Variants in SULF2 observed in about 807,000 individuals in gnomAD.
The protein encoded by SULF2 is extracellular sulfatase Sulf-2.
SULF2 carries 52 observed loss-of-function variants against 107.7 expected under a neutral mutation model. The observed-to-expected ratio is 0.48, with a 90% CI of 0.39 to 0.61. The LOEUF (loss-of-function observed/expected upper bound fraction) is 0.61. Ranked by LOEUF, SULF2 falls within the 20% of genes least tolerant of loss-of-function variation. The pLI is 0.00. For missense variants in SULF2, 993 were observed against 1,177.3 expected, an observed-to-expected ratio of 0.84 and a Z score of 2.29; for synonymous variants, 460 against 464.3, an observed-to-expected ratio of 0.99 and a Z score of 0.12.
At chr20:47,715,160 G>A (rs991283814) in intron 3 of SULF2, among the ~76,000 whole-genome samples, 4 of 150,706 alleles carry the variant, frequency 2.7e-5, no homozygotes, top group Admixed American at 2.0e-4. Context: ...TCAATGCCTG[G>A]GCTCAAGCGA....
At chr20:47,684,063 T>TGTG (rs2087916132) in intron 6 of SULF2, among the ~76,000 whole-genome samples, 1 of 152,164 alleles carries the variant, frequency 6.6e-6, no homozygotes, top group South Asian at 2.1e-4. Flanking sequence ...CTAACATGGA[T>TGTG]GTGGTGATGG....
rs140799053 is a variant in SULF2, at chr20:47,731,739, A to C, written c.415+4964T>G. Among the ~76,000 whole-genome samples the C allele has an allele frequency of 2.8e-4, 43 of 152,340 alleles. No individual in the cohort carries two copies. In the East Asian group the frequency reaches 5.8e-3, roughly 21 times the overall value. On this transcript the variant is annotated intron_variant, in intron 3 of 20. Coordinates refer to ENST00000688720, the MANE Select transcript of SULF2 (RefSeq NM_001387048.1). ...AGATGTCCATTTTCAGCTTTGCCAG[A>C]AATTGGCAAACTGTTCTTCAAAGTG... is the stretch of plus-strand genomic sequence containing the variant.
intron 7 of SULF2, among the ~76,000 whole-genome samples, chr20:47,679,417 TGCC>T (rs1368592035): frequency 1.3e-5 from 2 of 152,192 alleles, no homozygotes; most frequent in Non-Finnish European, 2.9e-5. Context: ...CTGCACCTGC[TGCC>T]AACCAGTGGG....
intron 3 of SULF2, among the ~76,000 whole-genome samples, chr20:47,728,088 G>C (rs1600587707): frequency 1.3e-5 from 2 of 152,160 alleles, no homozygotes; most frequent in East Asian, 3.9e-4. Flanking sequence ...AAGGCTACCT[G>C]CTGTGAGCAG....
At chr20:47,661,951 G>A (rs949786214) in intron 17 of SULF2, 55 bp from the exon 18 acceptor site, 21 of 1,408,292 alleles carry the variant, frequency 1.5e-5, no homozygotes, top group Non-Finnish European at 1.9e-5. Context: ...CTCTCGCCCT[G>A]CCCTTCTACC....
At chr20:47,683,366 C>T (rs1034278127) in intron 6 of SULF2, among the ~76,000 whole-genome samples, 197 bp from the exon 7 acceptor site, 4 of 152,224 alleles carry the variant, frequency 2.6e-5, no homozygotes, top group African/African-American at 9.6e-5. Flanking sequence ...CTCCCCTCCA[C>T]GGTTCTTCAT....
intron 2 of SULF2, among the ~76,000 whole-genome samples, chr20:47,750,154 G>A (rs1198462134): frequency 6.6e-6 from 1 of 152,146 alleles, no homozygotes; most frequent in African/African-American, 2.4e-5. Flanking sequence ...GCTAATTTTT[G>A]TATTTTTAGT....
chr20:47,750,720 G>A (rs952553689), intron 2 of SULF2, among the ~76,000 whole-genome samples: 21 of 152,152 alleles, frequency 1.4e-4, no homozygotes, highest in Non-Finnish European at 2.5e-4. Flanking sequence ...TGCCTTGCAC[G>A]GTCCATCCAA....
chr20:47,675,358 G>T (rs1447155186), intron 10 of SULF2, among the ~76,000 whole-genome samples: 1 of 152,290 alleles, frequency 6.6e-6, no homozygotes, highest in African/African-American at 2.4e-5. Flanking sequence ...CAAGCGGGGG[G>T]ACGCATTCAT....
At chr20:47,668,937 A>G (rs537708817) in intron 11 of SULF2, among the ~76,000 whole-genome samples, 10 of 152,082 alleles carry the variant, frequency 6.6e-5, no homozygotes, top group African/African-American at 1.9e-4. Flanking sequence ...TCCTCAGAAC[A>G]CTTGCTCTCT....
intron 10 of SULF2, among the ~76,000 whole-genome samples, chr20:47,673,333 AACTTGCTTACTACACCTC>A (rs1402461546): frequency 1.3e-5 from 2 of 152,164 alleles, no homozygotes; most frequent in African/African-American, 4.8e-5. Flanking sequence ...TTAATATATT[AACTTGCTTACTACACCTC>A]ACGCTACCCT....
At chr20:47,726,116 C>T (rs1007644408) in intron 3 of SULF2, among the ~76,000 whole-genome samples, 1 of 152,260 alleles carries the variant, frequency 6.6e-6, no homozygotes, top group Non-Finnish European at 1.5e-5. Context: ...ACCTAAAGTT[C>T]GACAGCCACC....
intron 17 of SULF2, among the ~76,000 whole-genome samples, chr20:47,662,839 T>C (rs935960768): frequency 5.9e-5 from 7 of 118,402 alleles, no homozygotes; most frequent in Non-Finnish European, 1.3e-4. Context: ...GAAGAAGCCA[T>C]ATATATTACA....
intron 3 of SULF2, among the ~76,000 whole-genome samples, chr20:47,720,852 A>G (rs991197778): frequency 6.6e-6 from 1 of 152,198 alleles, no homozygotes; most frequent in African/African-American, 2.4e-5. Flanking sequence ...GAACAATCCC[A>G]TTAACCTAGC....
chr20:47,684,014 A>T (rs778712032), intron 6 of SULF2, among the ~76,000 whole-genome samples: 1 of 152,108 alleles, frequency 6.6e-6, no homozygotes, highest in African/African-American at 2.4e-5. Context: ...TGGGCCATCT[A>T]AGGGCTGTGA....
chr20:47,731,192 T>TTTTTTTTTTTTTTTATTTTA, intron 3 of SULF2, among the ~76,000 whole-genome samples: 3 of 100,994 alleles, frequency 3.0e-5, no homozygotes, highest in African/African-American at 1.1e-4. Flanking sequence ...CTTCTCTTTT[T>TTTTTTTTTTTTTTTATTTTA]TTTTTTTTTT....
chr20:47,784,816 C>T (rs2090893708), intron 1 of SULF2, among the ~76,000 whole-genome samples: 1 of 152,218 alleles, frequency 6.6e-6, no homozygotes, highest in African/African-American at 2.4e-5. Flanking sequence ...CTCGTTCTGC[C>T]CTGGCCTGGG....
At chr20:47,766,190 A>C (rs2090524925) in intron 1 of SULF2, among the ~76,000 whole-genome samples, 1 of 151,768 alleles carries the variant, frequency 6.6e-6, no homozygotes, top group South Asian at 2.1e-4. Context: ...TAAACTTTAC[A>C]CTCCCCTGTG....
intron 3 of SULF2, among the ~76,000 whole-genome samples, chr20:47,727,931 C>T (rs1045181906): frequency 2.7e-4 from 41 of 152,212 alleles, no homozygotes; most frequent in East Asian, 5.8e-4. Context: ...GAAGAAATTT[C>T]GCTTGAAGAT....
Sources: gnomAD v4.1 joint callset for allele counts (sites outside exome capture counted in the v4.1 genomes callset) on GRCh38, gnomAD v4.1.1 for gene constraint, MANE v1.5 for transcripts, NCBI Gene and HGNC (gene_info 2026-07-23, HGNC 2026-07-21) for gene names.